IGSF22: variants seen among roughly 807,000 people sequenced by gnomAD.
IGSF22 encodes the protein immunoglobulin superfamily, member 22.
Under a neutral mutation model 127.0 loss-of-function variants are expected in IGSF22, and 119 were observed. The ratio of observed to expected loss-of-function variants is 0.94; its 90% CI spans 0.81 to 1.09. The LOEUF is 1.09. IGSF22 is among the 50% of genes least tolerant of loss of function. The pLI, the probability that IGSF22 is intolerant of heterozygous loss-of-function variation, is 0.00. For synonymous variants in IGSF22, 568 were observed against 664.7 expected (o/e 0.85, Z 2.24); for missense variants, 1,518 against 1,716.6 (o/e 0.88, Z 2.04).
chr11:18,709,361 A>T lies in IGSF22; in HGVS notation c.2998+26T>A. On this transcript the variant is annotated intron_variant, in intron 18 of 22. Coordinates refer to ENST00000513874, the MANE Select transcript of IGSF22 (RefSeq NM_173588.4). This position sits in a 1 kb window ranked among gnomAD's most constrained non-coding sequence, Gnocchi z 4.8. ...TTTGGAGGTACAATGTTGGGCATGA[A>T]TCCCCAGCCCTCTCTGTGTCCTCAC... 6.2e-7 allele frequency: 1 copy of T among 1,604,716 alleles called. No individual in the cohort carries two copies.
rs923912043 is a variant in IGSF22 at position 18,719,783 on chromosome 11, T to C, written c.629A>G (p.Tyr210Cys). The change falls in exon 7 of 23, where the codon TAT becomes TGT. Residue 210 changes from tyrosine (Y) to cysteine (C), a missense_variant. By Grantham distance (194) the Tyr-to-Cys change is radical (BLOSUM62 -2). This residue lies in a region of IGSF22 where 1,456 missense variants were observed against 1,644.9 expected (regional missense o/e 0.89). Coordinates refer to ENST00000513874, the MANE Select transcript of IGSF22 (RefSeq NM_173588.4). ...CAGCCCCCGAAAGTCGGTGAAACCA[T>C]ACTCCATGCACACCTTCTCAAAGTC... Reference protein sequence around the residue: ...KKDFEKVCMEYGFTDFRGLLR... With the variant: ...KKDFEKVCMECGFTDFRGLLR... 5 of 1,614,104 alleles carry C rather than the reference T, an allele frequency of 3.1e-6. No homozygotes were observed. Among genetic ancestry groups the C allele is most frequent in the Admixed American group, 1.7e-5 (1 of 60,006 alleles).
In IGSF22 at chr11:18,718,107, C is replaced by T. The variant is rs769605295; in HGVS notation, c.811-14G>A. The T allele has an allele frequency of 4.0e-5, 64 of 1,611,766 alleles. No homozygotes were observed. The highest frequency in any genetic ancestry group is 5.3e-5 in the Non-Finnish European group (63 of 1,178,550). On this transcript the variant is annotated splice_polypyrimidine_tract_variant and intron_variant, in intron 8 of 22. Coordinates refer to ENST00000513874, the MANE Select transcript of IGSF22 (RefSeq NM_173588.4). ...TGGCTCAGTACCCTGCCTCATGGAA[C>T]AGGTAGGAAAGCTGATGAAGGGCTT...
Position 18,704,498 on chromosome 11 carries a change from ACT to A in IGSF22, c.3949_3950del (p.Leu1318AlafsTer51). On this transcript the variant is annotated frameshift_variant, in exon 23 of 23. Coordinates refer to ENST00000513874, the MANE Select transcript of IGSF22 (RefSeq NM_173588.4). LOFTEE classifies it high-confidence loss of function. ...DKSVVASITE[S>X]LQKKSKHLM is the part of the protein sequence containing the mutation. ...TGAGGTGCTTTGATTTCTTCTGCAG[ACT>A]CTCGGTGATGGATGCTACAACTGAC... 6.5e-7 allele frequency: 1 copy of A among 1,549,528 alleles called. No individual in the cohort carries two copies. Among genetic ancestry groups the A allele is most frequent in the Non-Finnish European group, 8.7e-7 (1 of 1,146,218 alleles).
chr11:18,720,913 C>T (rs1433168278), intron 4 of IGSF22, among the ~76,000 whole-genome samples: 1 of 152,156 alleles, frequency 6.6e-6, no homozygotes, highest in Non-Finnish European at 1.5e-5. Context: ...CCTTTCACAA[C>T]GGGAAATCGG....
chr11:18,715,531 C>A lies in IGSF22; in HGVS notation c.1432G>T (p.Glu478Ter). The change falls in exon 11 of 23, where the codon GAG becomes TAG. Residue 478 changes from glutamate to a stop codon, truncating the protein, a stop_gained. Coordinates refer to ENST00000513874, the MANE Select transcript of IGSF22 (RefSeq NM_173588.4). LOFTEE classifies it high-confidence loss of function. ...CCACCATCACTGAGCTGTGCATCCT[C>A]AATGATCAGCTCTGCTCGCTTGCCC... ...HEGKRAELII[E>*]DAQLSDGGEY... 1 of 1,613,864 alleles carries A rather than the reference C, an allele frequency of 6.2e-7. No individual in the cohort carries two copies. Among genetic ancestry groups the A allele is most frequent in the Non-Finnish European group, 8.5e-7 (1 of 1,179,830 alleles).
chr11:18,718,177 A>C, intron 8 of IGSF22, 84 bp from the exon 9 acceptor site: 1 of 1,319,422 alleles, frequency 7.6e-7, no homozygotes, highest in Admixed American at 1.9e-5. Context: ...CGCCAGCCTA[A>C]GCTGGAGGGT....
Position 18,715,433 on chromosome 11 carries a change from C to T in IGSF22, c.1530G>A (p.Glu510=). ...GGGGATTGATAGGGCGGGTGTTACC[C>T]TCCACAGTGACGATGGCAGTACTGT... ...EYYSTAIVTV[E]ERLATVKSGM... Residue 510 remains glutamate (E), a splice_region_variant and synonymous_variant, in exon 11 of 23, where the codon GAG becomes GAA. Transcript: ENST00000513874. 1 of 1,607,708 alleles carries T rather than the reference C, an allele frequency of 6.2e-7. No homozygotes were observed. The highest frequency in any genetic ancestry group is 2.2e-5 in the East Asian group (1 of 44,780).
rs776052947 is a variant in IGSF22 at position 18,707,870 on chromosome 11, C to T, written c.3214G>A (p.Val1072Met). Residue 1072 changes from valine (V) to methionine (M), a missense_variant, in exon 20 of 23, where the codon GTG becomes ATG. Transcript: ENST00000513874. ...INSTKRSDSG[V>M]YRILLQNEFG... is the part of the protein sequence containing the mutation. Reference sequence around the variant, plus strand: ...TCATTCTGAAGCAAGATTCGGTACACCCCTGAGTCAGAGCGCTTGGTGCTA... The same window carrying T: ...TCATTCTGAAGCAAGATTCGGTACATCCCTGAGTCAGAGCGCTTGGTGCTA... 3 of 1,614,094 alleles carry T rather than the reference C, an allele frequency of 1.9e-6. No homozygotes were observed. Among genetic ancestry groups the T allele is most frequent in the Admixed American group, 3.3e-5 (2 of 60,014 alleles).
chr11:18,711,995 T>G, intron 15 of IGSF22, 87 bp downstream of exon 15: 2 of 1,120,672 alleles, frequency 1.8e-6, no homozygotes, highest in Non-Finnish European at 2.5e-6. Flanking sequence ...TCCTGTGGAA[T>G]TCCCCACAGA....
intron 1 of IGSF22, 22 bp from the exon 2 acceptor site, chr11:18,724,291 T>A (rs951617790): frequency 1.6e-6 from 2 of 1,288,372 alleles, no homozygotes; most frequent in African/African-American, 2.9e-5. Context: ...GATGAGGCCA[T>A]GAAGGACAAG....
intron 17 of IGSF22, 46 bp downstream of exon 17, chr11:18,710,280 AT>A: frequency 6.3e-7 from 1 of 1,597,420 alleles, no homozygotes; most frequent in Middle Eastern, 1.7e-4. Context: ...TCTACTTTGA[AT>A]GGGCTAATTC....
intron 2 of IGSF22, among the ~76,000 whole-genome samples, chr11:18,722,363 C>CT (rs1223511963): frequency 4.0e-5 from 6 of 151,708 alleles, no homozygotes; most frequent in African/African-American, 1.5e-4. Context: ...TTAGGCTTCT[C>CT]TCCTGGAAGT....
chr11:18,721,357 GT>G (rs1420005427), intron 4 of IGSF22, among the ~76,000 whole-genome samples, 177 bp downstream of exon 4: 1 of 152,188 alleles, frequency 6.6e-6, no homozygotes, highest in Non-Finnish European at 1.5e-5. Flanking sequence ...CAATATCCCG[GT>G]TCCTGACTCG....
chr11:18,707,726 A>G, intron 20 of IGSF22, 78 bp downstream of exon 20: 1 of 1,239,516 alleles, frequency 8.1e-7, no homozygotes, highest in Non-Finnish European at 1.1e-6. Context: ...TGTGGTAGGA[A>G]CTCAAGCGGC....
chr11:18,714,251 T>C, intron 13 of IGSF22, 26 bp downstream of exon 13: 1 of 1,602,998 alleles, frequency 6.2e-7, no homozygotes, highest in Non-Finnish European at 8.5e-7. Flanking sequence ...ATGGTTGAGC[T>C]TTGCCTACCT....
chr11:18,717,089 C>G, intron 9 of IGSF22, 89 bp from the exon 10 acceptor site: 1 of 1,437,372 alleles, frequency 7.0e-7, no homozygotes, highest in Non-Finnish European at 9.5e-7. Context: ...TCACTGGCCT[C>G]CTGTAGCCCA....
chr11:18,704,791 T>G, intron 22 of IGSF22: 1 of 432,788 alleles, frequency 2.3e-6, no homozygotes, highest in African/African-American at 2.0e-5. Flanking sequence ...ACAGGCTCAA[T>G]GAGGTAGCTT....
chr11:18,706,630 C>A (rs1848240291), intron 21 of IGSF22: 2 of 392,984 alleles, frequency 5.1e-6, no homozygotes, highest in South Asian at 5.2e-5. Context: ...CCCCGTTAGA[C>A]CCTCCCCTCA....
chr11:18,709,754 C>T lies in IGSF22; in HGVS notation c.2702-71G>A. On this transcript the variant is annotated intron_variant, in intron 17 of 22. Coordinates refer to ENST00000513874, the MANE Select transcript of IGSF22 (RefSeq NM_173588.4). This position sits in a 1 kb window ranked among gnomAD's most constrained non-coding sequence, Gnocchi z 4.8. ...CTCAATGCCTTGCTCACTTCCCACA[C>T]TCAATACTCCTGAACCCCATCCTTC... 1 of 1,450,492 alleles carries T rather than the reference C, an allele frequency of 6.9e-7. No homozygotes were observed. Among genetic ancestry groups the T allele is most frequent in the Non-Finnish European group, 9.4e-7 (1 of 1,066,592 alleles). The allele number at this position is 1,450,492 out of a possible 1,614,324, so 89.9% of individuals were successfully genotyped here.
Sources: allele counts gnomAD v4.1 joint callset (sites outside exome capture counted in the v4.1 genomes callset), GRCh38; gene constraint gnomAD v4.1.1; regional missense constraint gnomAD v4.1.1; non-coding constraint Gnocchi (gnomAD v3.1); transcripts MANE v1.5; gene names NCBI Gene and HGNC (gene_info 2026-07-23, HGNC 2026-07-21).